The following ATXN7L1 variants were observed in gnomAD, a reference collection of about 807,000 sequenced individuals.
ATXN7L1 encodes ataxin-7-like protein 1.
A neutral mutation model predicts 70.8 loss-of-function variants in ATXN7L1; 15 were observed. The observed-to-expected ratio is 0.21, with a 90% CI of 0.14 to 0.33. The LOEUF is 0.33. Among genes scored for constraint, ATXN7L1 ranks in the 10% least tolerant of loss-of-function variants. ATXN7L1 has a pLI of 1.00. For missense variants in ATXN7L1, 975 were observed against 1,097.1 expected, an observed-to-expected ratio of 0.89 and a Z score of 1.57; for synonymous variants, 440 against 445.1, an observed-to-expected ratio of 0.99 and a Z score of 0.14.
At chr7:105,615,808 TG>T (rs1317025393) in intron 9 of ATXN7L1, among the ~76,000 whole-genome samples, 6 of 152,118 alleles carry the variant, frequency 3.9e-5, no homozygotes, top group African/African-American at 1.2e-4. Flanking sequence ...TCTTGGAGGC[TG>T]GGGGGTACCT....
At chr7:105,688,339 T>G (rs1444691577) in intron 3 of ATXN7L1, among the ~76,000 whole-genome samples, 5 of 152,074 alleles carry the variant, frequency 3.3e-5, no homozygotes, top group Non-Finnish European at 4.4e-5. Flanking sequence ...CTCAGGAGTT[T>G]GAGACCAGCC....
At chr7:105,642,782 C>T (rs1798460874) in intron 5 of ATXN7L1, 56 bp downstream of exon 5, 1 of 1,489,278 alleles carries the variant, frequency 6.7e-7, no homozygotes. Context: ...TTCGTTATGG[C>T]TGCGACTCCC....
chr7:105,776,687 T>C (rs981391693), intron 3 of ATXN7L1, among the ~76,000 whole-genome samples: 1 of 152,162 alleles, frequency 6.6e-6, no homozygotes, highest in Non-Finnish European at 1.5e-5. Context: ...TATGCTAATA[T>C]TGGTGAAGCA....
Position 105,733,673 on chromosome 7 carries a change from T to TCCAC in ATXN7L1, c.355+54930_355+54931insGTGG. Among the ~76,000 whole-genome samples, 101 of 110,730 alleles carry TCCAC rather than the reference T, an allele frequency of 9.1e-4. 1 individual carries two copies. Among genetic ancestry groups the TCCAC allele is most frequent in the Non-Finnish European group, 1.3e-3 (68 of 51,784 alleles). The allele number at this position is 110,730 out of a possible 152,430, so 72.6% of individuals were successfully genotyped here. On this transcript the variant is annotated intron_variant, in intron 3 of 11. Transcript: ENST00000419735. ...ATCCATCCATCCATCCATCCATCCA[T>TCCAC]CCATCCACCCATCCACCCATCCATC...
intron 9 of ATXN7L1, among the ~76,000 whole-genome samples, chr7:105,619,939 T>C (rs959853274): frequency 2.0e-5 from 3 of 152,128 alleles, no homozygotes; most frequent in African/African-American, 7.2e-5. Context: ...ATATATTATC[T>C]AACATCCTTC....
intron 2 of ATXN7L1, among the ~76,000 whole-genome samples, chr7:105,874,040 G>T (rs1585209850): frequency 6.7e-6 from 1 of 149,984 alleles, no homozygotes; most frequent in Admixed American, 6.7e-5. Context: ...CAGGAGAATC[G>T]CTTGAACCCG....
At chr7:105,694,049 C>CT (rs1791388771) in intron 3 of ATXN7L1, among the ~76,000 whole-genome samples, 1 of 131,268 alleles carries the variant, frequency 7.6e-6, no homozygotes, top group Non-Finnish European at 1.7e-5. Flanking sequence ...GAGAAGTGAG[C>CT]CTTTTTTTTT....
At chr7:105,760,123 A>G (rs914287072) in intron 3 of ATXN7L1, 11 of 899,030 alleles carry the variant, frequency 1.2e-5, no homozygotes, top group Middle Eastern at 5.6e-4. Context: ...CCATATGCCA[A>G]GTTCTCCTCT....
At chr7:105,711,719 G>A (rs1317059916) in intron 3 of ATXN7L1, among the ~76,000 whole-genome samples, 1 of 152,234 alleles carries the variant, frequency 6.6e-6, no homozygotes, top group Admixed American at 6.5e-5. Context: ...TACTTTCATG[G>A]TGTTGAGTGC....
At chr7:105,722,726 T>A (rs1376557882) in intron 3 of ATXN7L1, among the ~76,000 whole-genome samples, 1 of 146,980 alleles carries the variant, frequency 6.8e-6, no homozygotes, top group African/African-American at 2.5e-5. Flanking sequence ...TAAAAAAAAA[T>A]ACAAAAAAAT....
intron 3 of ATXN7L1, chr7:105,760,697 A>C: frequency 2.4e-6 from 1 of 419,304 alleles, no homozygotes; most frequent in Non-Finnish European, 3.2e-6. Flanking sequence ...GGGAGAGCTC[A>C]TCTAGTTGTG....
chr7:105,617,381 T>G (rs1413814547), intron 9 of ATXN7L1, among the ~76,000 whole-genome samples: 1 of 152,238 alleles, frequency 6.6e-6, no homozygotes, highest in Non-Finnish European at 1.5e-5. Flanking sequence ...ATAGTATAAA[T>G]TCACACTTCA....
At chr7:105,759,083 GA>G (rs1258442376) in intron 3 of ATXN7L1, among the ~76,000 whole-genome samples, 1 of 150,634 alleles carries the variant, frequency 6.6e-6, no homozygotes, top group African/African-American at 2.4e-5. Flanking sequence ...CTACTACACA[GA>G]AAATGTTAAA....
At chr7:105,610,818 T>G (rs546253621) in intron 10 of ATXN7L1, among the ~76,000 whole-genome samples, 54 of 152,060 alleles carry the variant, frequency 3.6e-4, no homozygotes, top group Non-Finnish European at 1.0e-4. Context: ...AGAGGAAAAG[T>G]AGAATTGTGG....
chr7:105,730,376 C>T (rs1796394962), intron 3 of ATXN7L1, among the ~76,000 whole-genome samples: 1 of 152,094 alleles, frequency 6.6e-6, no homozygotes, highest in African/African-American at 2.4e-5. Context: ...ACCAGAACTC[C>T]TCAAAACTGT....
chr7:105,704,590 T>C (rs1212894808), intron 3 of ATXN7L1, among the ~76,000 whole-genome samples: 359 of 119,102 alleles, frequency 3.0e-3, no homozygotes, highest in African/African-American at 6.9e-3. Context: ...ATCTCTTTTT[T>C]TTTTTTTTTT....
intron 2 of ATXN7L1, among the ~76,000 whole-genome samples, chr7:105,826,596 A>T (rs986436245): frequency 6.6e-6 from 1 of 152,214 alleles, no homozygotes; most frequent in Non-Finnish European, 1.5e-5. Flanking sequence ...GACACAGAGG[A>T]ATGTAAATTG....
intron 4 of ATXN7L1, among the ~76,000 whole-genome samples, chr7:105,662,859 G>A (rs942351367): frequency 1.3e-5 from 2 of 152,108 alleles, no homozygotes; most frequent in Non-Finnish European, 2.9e-5. Flanking sequence ...TAACCATGAC[G>A]TTATGCTAAA....
chr7:105,779,592 C>T (rs1803246587), intron 3 of ATXN7L1, among the ~76,000 whole-genome samples: 1 of 152,130 alleles, frequency 6.6e-6, no homozygotes, highest in Non-Finnish European at 1.5e-5. Flanking sequence ...ATAAGGATTT[C>T]CTTAGCATCT....
Sources: gnomAD v4.1 joint callset for allele counts (sites outside exome capture counted in the v4.1 genomes callset) on GRCh38, gnomAD v4.1.1 for gene constraint, MANE v1.5 for transcripts, NCBI Gene and HGNC (gene_info 2026-07-23, HGNC 2026-07-21) for gene names.